The following TRPC4 variants were observed in gnomAD, a reference collection of about 807,000 sequenced individuals.
The protein encoded by TRPC4 is short transient receptor potential channel 4.
In TRPC4, 49 loss-of-function variants were observed where a neutral mutation model predicts 99.4. That is an observed-to-expected ratio of 0.49 (90% confidence interval 0.39 to 0.63). TRPC4 has a LOEUF of 0.63. Ranked by LOEUF, TRPC4 falls within the 20% of genes least tolerant of loss-of-function variation. The pLI is 0.00. For synonymous variants in TRPC4, 454 were observed against 425.9 expected, an observed-to-expected ratio of 1.07 and a Z score of -0.81; for missense variants, 898 against 1,152.9, an observed-to-expected ratio of 0.78 and a Z score of 3.20.
chr13:37,637,220 G>A lies in TRPC4; in HGVS notation c.2617C>T (p.Arg873Cys), dbSNP rs375645285. ...QIFSVSEEVA[R>C]QQAAGPLERN... ...TCAAGTGGTCCTGCAGCCTGTTGAC[G>A]AGCAACTTCTTCTGAAACAGAGAAG... Residue 873 changes from arginine (R) to cysteine (C), a missense_variant, in exon 11 of 11, where the codon CGT becomes TGT. Physicochemically the swap from Arg to Cys is radical, Grantham distance 180 (BLOSUM62 -3). Coordinates refer to ENST00000379705, the MANE Select transcript of TRPC4 (RefSeq NM_016179.4). 6.8e-6 allele frequency: 11 copies of A among 1,613,756 alleles called. No homozygotes were observed. Among genetic ancestry groups the A allele is most frequent in the African/African-American group, 5.3e-5 (4 of 74,918 alleles).
chr13:37,828,908 C>T (rs1485730404), intron 1 of TRPC4, among the ~76,000 whole-genome samples: 2 of 152,112 alleles, frequency 1.3e-5, no homozygotes, highest in African/African-American at 4.8e-5. Flanking sequence ...GTACATCAGA[C>T]TCACACAACA....
chr13:37,824,597 C>A (rs1398320198), intron 1 of TRPC4, among the ~76,000 whole-genome samples: 1 of 151,850 alleles, frequency 6.6e-6, no homozygotes, highest in Admixed American at 6.6e-5. Context: ...GTATATTGAA[C>A]CAGCCTTGCA....
chr13:37,714,072 C>T (rs1227371437), intron 3 of TRPC4, among the ~76,000 whole-genome samples: 1 of 151,332 alleles, frequency 6.6e-6, no homozygotes, highest in African/African-American at 2.4e-5. Flanking sequence ...TCCTTCCCTC[C>T]CTCCCTTTCT....
At position 37,635,981 on chromosome 13, in the gene TRPC4, A is replaced by C. The variant is rs1318167975; in HGVS notation, c.*922T>G. ...ATATTGCGTTGATTGAAAATACTGG[A>C]ATTCAACTTTACTTAGATTTAGATT... On this transcript the variant is annotated 3_prime_UTR_variant, in exon 11 of 11. Coordinates refer to ENST00000379705, the MANE Select transcript of TRPC4 (RefSeq NM_016179.4). 1.3e-5 allele frequency among the ~76,000 whole-genome samples: 2 copies of C among 152,026 alleles called. No homozygotes were observed. The highest frequency in any genetic ancestry group is 2.4e-5 in the African/African-American group (1 of 41,414).
intron 1 of TRPC4, among the ~76,000 whole-genome samples, chr13:37,823,804 T>G (rs1289596169): frequency 6.7e-6 from 1 of 149,726 alleles, no homozygotes; most frequent in Middle Eastern, 3.2e-3. Context: ...TCCAATTCTG[T>G]GAAGAAAGTC....
intron 1 of TRPC4, among the ~76,000 whole-genome samples, chr13:37,791,054 C>T (rs896832394): frequency 2.0e-5 from 3 of 151,902 alleles, no homozygotes; most frequent in Admixed American, 2.0e-4. Context: ...CAGTTTTTTA[C>T]TTATAGACCA....
chr13:37,651,839 T>G (rs1035480248), intron 7 of TRPC4, among the ~76,000 whole-genome samples: 2 of 152,244 alleles, frequency 1.3e-5, no homozygotes, highest in African/African-American at 4.8e-5. Flanking sequence ...ACCAAAGCCT[T>G]GTATTCCTGC....
At chr13:37,710,726 G>T (rs1417840053) in intron 3 of TRPC4, among the ~76,000 whole-genome samples, 1 of 151,834 alleles carries the variant, frequency 6.6e-6, no homozygotes, top group Non-Finnish European at 1.5e-5. Context: ...TCTTCTTTAT[G>T]GGTCTTGAAT....
At chr13:37,799,866 T>C (rs1957359846) in intron 1 of TRPC4, among the ~76,000 whole-genome samples, 1 of 152,188 alleles carries the variant, frequency 6.6e-6, no homozygotes, top group African/African-American at 2.4e-5. Flanking sequence ...AATGTGTTGG[T>C]TTTGGAGCCA....
intron 1 of TRPC4, among the ~76,000 whole-genome samples, chr13:37,821,019 T>C (rs1053647867): frequency 1.3e-5 from 2 of 152,114 alleles, no homozygotes; most frequent in African/African-American, 4.8e-5. Context: ...GATTACATGA[T>C]TCTATATGTA....
intron 8 of TRPC4, among the ~76,000 whole-genome samples, chr13:37,644,680 C>G (rs573346047): frequency 1.6e-3 from 237 of 151,966 alleles, no homozygotes; most frequent in African/African-American, 3.4e-3. Context: ...ACCATCCTGG[C>G]TAACACGGTG....
chr13:37,855,872 A>T (rs1046532559), intron 1 of TRPC4, among the ~76,000 whole-genome samples: 2 of 152,058 alleles, frequency 1.3e-5, no homozygotes, highest in Non-Finnish European at 2.9e-5. Context: ...CATATGGGAT[A>T]CAGCTAAAGC....
intron 3 of TRPC4, among the ~76,000 whole-genome samples, chr13:37,703,760 A>G (rs1026718170): frequency 1.3e-5 from 2 of 152,154 alleles, no homozygotes; most frequent in Non-Finnish European, 2.9e-5. Flanking sequence ...TTTTAAAAAG[A>G]GTTTGCAGTT....
intron 3 of TRPC4, among the ~76,000 whole-genome samples, chr13:37,742,468 A>T (rs1458413288): frequency 6.6e-6 from 1 of 152,148 alleles, no homozygotes; most frequent in Non-Finnish European, 1.5e-5. Context: ...AGTAAGATGG[A>T]TGTGTTCCTG....
Position 37,847,795 on chromosome 13 carries a change from A to G in TRPC4, c.-28+21800T>C, listed in dbSNP as rs74049206. Among the ~76,000 whole-genome samples, 1,021 of 152,268 alleles carry G rather than the reference A, an allele frequency of 6.7e-3. 14 individuals carry two copies. The highest frequency in any genetic ancestry group is 0.023 in the African/African-American group (967 of 41,556). ...TTTATAGATGGATAAAGTGGACCTTATGAAGTCCACAAATATATACAGTGG... is the reference window on the plus strand; with the variant it reads ...TTTATAGATGGATAAAGTGGACCTTGTGAAGTCCACAAATATATACAGTGG... On this transcript the variant is annotated intron_variant, in intron 1 of 10. Coordinates refer to ENST00000379705, the MANE Select transcript of TRPC4 (RefSeq NM_016179.4).
At chr13:37,790,482 A>T (rs150269328) in intron 1 of TRPC4, among the ~76,000 whole-genome samples, 3 of 152,216 alleles carry the variant, frequency 2.0e-5, no homozygotes, top group Non-Finnish European at 4.4e-5. Context: ...TAAACCAATA[A>T]CCACTATTTG....
At chr13:37,709,827 G>C (rs899541985) in intron 3 of TRPC4, among the ~76,000 whole-genome samples, 1 of 151,788 alleles carries the variant, frequency 6.6e-6, no homozygotes, top group African/African-American at 2.4e-5. Flanking sequence ...CAGAATTTCT[G>C]GTACAAGGAA....
intron 2 of TRPC4, among the ~76,000 whole-genome samples, chr13:37,764,581 C>T (rs1956308650): frequency 1.3e-5 from 2 of 151,162 alleles, no homozygotes; most frequent in Admixed American, 6.6e-5. Flanking sequence ...CAAACCAGGG[C>T]CTCCGGTAGA....
intron 8 of TRPC4, among the ~76,000 whole-genome samples, chr13:37,648,564 T>C (rs1593429218): frequency 6.6e-6 from 1 of 150,546 alleles, no homozygotes; most frequent in Non-Finnish European, 1.5e-5. Flanking sequence ...AAAAAAGGAA[T>C]GGTTTGAGAT....
Sources: allele counts gnomAD v4.1 joint callset (sites outside exome capture counted in the v4.1 genomes callset), GRCh38; gene constraint gnomAD v4.1.1; transcripts MANE v1.5; gene names NCBI Gene and HGNC (gene_info 2026-07-23, HGNC 2026-07-21).